PTPRN2: variants seen among roughly 807,000 people sequenced by gnomAD.
PTPRN2 encodes protein tyrosine phosphatase receptor type N2.
A neutral mutation model predicts 118.8 loss-of-function variants in PTPRN2; 74 were observed. That is an observed-to-expected ratio of 0.62 (90% CI 0.52 to 0.76). The LOEUF (loss-of-function observed/expected upper bound fraction) is 0.76, where lower values mean the gene tolerates loss of function less well. Ranked by LOEUF, PTPRN2 falls within the 30% of genes least tolerant of loss-of-function variation. PTPRN2 has a pLI of 0.00. For missense variants in PTPRN2, 1,481 were observed against 1,394.4 expected (o/e 1.06, Z -0.99); for synonymous variants, 641 against 608.0 (o/e 1.05, Z -0.80).
intron 13 of PTPRN2, among the ~76,000 whole-genome samples, chr7:157,658,989 G>A (rs1187306078): frequency 1.3e-5 from 2 of 151,962 alleles, no homozygotes; most frequent in Non-Finnish European, 2.9e-5. Context: ...CACTCCATGT[G>A]TCCCTTCTCC....
rs1402952722 is a variant in PTPRN2 at position 157,682,713 on chromosome 7, G to T, written c.2001+12C>A. On this transcript the variant is annotated intron_variant, in intron 13 of 22. Coordinates refer to ENST00000389418, the MANE Select transcript of PTPRN2 (RefSeq NM_002847.5). ...AATCCGATATACCACTTTTTAAAAAGTCTCCTCTTACCTGGTAGGCGGCAG... is the reference window on the plus strand; with the variant it reads ...AATCCGATATACCACTTTTTAAAAATTCTCCTCTTACCTGGTAGGCGGCAG... The T allele has an allele frequency of 2.5e-6, 4 of 1,607,670 alleles. No homozygotes were observed. The highest frequency in any genetic ancestry group is 1.7e-5 in the Admixed American group (1 of 59,982).
At chr7:158,548,119 C>T (rs1586919998) in intron 1 of PTPRN2, among the ~76,000 whole-genome samples, 1 of 152,366 alleles carries the variant, frequency 6.6e-6, no homozygotes, top group East Asian at 1.9e-4. Context: ...GAGCAGGCGA[C>T]ATCCACTCTG....
chr7:157,805,142 T>G lies in PTPRN2; in HGVS notation c.1788+93531A>C, dbSNP rs530497075. ...CACATTTTCCATGAAAAGAAGAAAA[T>G]AGCAAATTCCAGTAAGCATTAAGGA... On this transcript the variant is annotated intron_variant, in intron 12 of 22. Transcript: ENST00000389418. 4.6e-5 allele frequency among the ~76,000 whole-genome samples: 7 copies of G among 152,238 alleles called. No homozygotes were observed. The South Asian group carries it at 1.5e-3, about 32-fold the overall frequency.
At chr7:157,743,655 A>G (rs1194097447) in intron 12 of PTPRN2, among the ~76,000 whole-genome samples, 1 of 148,308 alleles carries the variant, frequency 6.7e-6, no homozygotes, top group African/African-American at 2.5e-5. Context: ...TGGCTGAGTT[A>G]GGTTCCTGGC....
chr7:158,173,798 G>C (rs1823934244), intron 5 of PTPRN2, among the ~76,000 whole-genome samples: 1 of 152,188 alleles, frequency 6.6e-6, no homozygotes, highest in South Asian at 2.1e-4. Flanking sequence ...AAAGAATTCA[G>C]CAATATTTCT....
At chr7:157,666,814 T>TTA (rs1796157853) in intron 13 of PTPRN2, among the ~76,000 whole-genome samples, 1 of 152,176 alleles carries the variant, frequency 6.6e-6, no homozygotes, top group Admixed American at 6.5e-5. Flanking sequence ...GACACTGATC[T>TTA]CAGGTGGGTG....
In PTPRN2 at chr7:158,574,111, G is replaced by A. The variant is rs1011791672; in HGVS notation, c.112+13447C>T. Reference sequence around the variant, plus strand: ...GCAACCAGAAAGATTAAAAATCATCGTTCGGACTTTCTCAATTATAGATTT... The same window carrying A: ...GCAACCAGAAAGATTAAAAATCATCATTCGGACTTTCTCAATTATAGATTT... On this transcript the variant is annotated intron_variant, in intron 1 of 22. Coordinates refer to ENST00000389418, the MANE Select transcript of PTPRN2 (RefSeq NM_002847.5). This position sits in a 1 kb window ranked among gnomAD's most constrained non-coding sequence, Gnocchi z 4.6. Among the ~76,000 whole-genome samples the A allele has an allele frequency of 1.3e-5, 2 of 152,144 alleles. No homozygotes were observed. Among genetic ancestry groups the A allele is most frequent in the Non-Finnish European group, 2.9e-5 (2 of 68,026 alleles).
chr7:158,069,630 C>A (rs574959563), intron 11 of PTPRN2, among the ~76,000 whole-genome samples: 3 of 152,290 alleles, frequency 2.0e-5, no homozygotes, highest in East Asian at 3.9e-4. Flanking sequence ...CATTCTTTAC[C>A]CACAATTGTT....
intron 2 of PTPRN2, among the ~76,000 whole-genome samples, chr7:158,424,935 G>A (rs1815584148): frequency 6.6e-6 from 1 of 152,150 alleles, no homozygotes; most frequent in Admixed American, 6.5e-5. Flanking sequence ...TTAACCATCA[G>A]CCTAATCTCC....
intron 17 of PTPRN2, among the ~76,000 whole-genome samples, chr7:157,579,050 C>T (rs1375837873): frequency 6.7e-6 from 1 of 149,002 alleles, no homozygotes; most frequent in Non-Finnish European, 1.5e-5. Flanking sequence ...GACACAAAAT[C>T]CAATTAAGAC....
intron 3 of PTPRN2, among the ~76,000 whole-genome samples, chr7:158,277,278 C>T (rs1171742286): frequency 1.3e-5 from 2 of 152,222 alleles, no homozygotes; most frequent in Non-Finnish European, 2.9e-5. Flanking sequence ...TCCTCGGGGT[C>T]CTGCCCACTC....
intron 2 of PTPRN2, among the ~76,000 whole-genome samples, chr7:158,371,529 A>G (rs1005458547): frequency 2.0e-5 from 3 of 152,210 alleles, no homozygotes; most frequent in South Asian, 4.1e-4. Context: ...TTCCTACACA[A>G]TTAAAATTCT....
chr7:157,821,307 C>T (rs1216486040), intron 12 of PTPRN2, among the ~76,000 whole-genome samples: 2 of 152,206 alleles, frequency 1.3e-5, no homozygotes, highest in Non-Finnish European at 2.9e-5. Flanking sequence ...AAAGACATAA[C>T]TCTAGGATCT....
At chr7:158,352,741 GC>G (rs1187010952) in intron 2 of PTPRN2, among the ~76,000 whole-genome samples, 1 of 152,214 alleles carries the variant, frequency 6.6e-6, no homozygotes, top group East Asian at 1.9e-4. Context: ...GCCCTTCCCT[GC>G]AAAGAAAACT....
intron 2 of PTPRN2, among the ~76,000 whole-genome samples, chr7:158,388,597 C>T (rs1337572602): frequency 1.3e-5 from 2 of 152,234 alleles, no homozygotes; most frequent in Non-Finnish European, 2.9e-5. Context: ...TGCCAACCTG[C>T]GAGCTCCATG....
intron 10 of PTPRN2, among the ~76,000 whole-genome samples, chr7:158,109,174 G>C (rs1478278106): frequency 6.7e-6 from 1 of 150,298 alleles, no homozygotes; most frequent in East Asian, 2.0e-4. Flanking sequence ...GTGTGAAAGA[G>C]ACAGTGAGTG....
At chr7:158,332,730 C>G (rs1340160435) in intron 2 of PTPRN2, among the ~76,000 whole-genome samples, 1 of 151,404 alleles carries the variant, frequency 6.6e-6, no homozygotes, top group Non-Finnish European at 1.5e-5. Context: ...CACCCACACT[C>G]TCACCATAAG....
rs956089233 is a variant in PTPRN2, at chr7:157,944,470, G to C, written c.1724-45733C>G. ...GAGAAACCTAAGTTTGTGAGAAAAG[G>C]ATCTATTGGAAAATTCTTCTTTTTA... On this transcript the variant is annotated intron_variant, in intron 11 of 22. Coordinates refer to ENST00000389418, the MANE Select transcript of PTPRN2 (RefSeq NM_002847.5). This position sits in a 1 kb window ranked among gnomAD's most constrained non-coding sequence, Gnocchi z 4.3. Among the ~76,000 whole-genome samples the C allele has an allele frequency of 6.6e-6, 1 of 152,210 alleles. No homozygotes were observed. The highest frequency in any genetic ancestry group is 1.5e-5 in the Non-Finnish European group (1 of 68,034).
chr7:158,101,243 C>A (rs544425078), intron 10 of PTPRN2, among the ~76,000 whole-genome samples: 9 of 152,268 alleles, frequency 5.9e-5, no homozygotes, highest in African/African-American at 2.2e-4. Context: ...AACTGATCTT[C>A]GATAAAGCAA....
Sources: allele counts gnomAD v4.1 joint callset (sites outside exome capture counted in the v4.1 genomes callset), GRCh38; gene constraint gnomAD v4.1.1; non-coding constraint Gnocchi (gnomAD v3.1); transcripts MANE v1.5; gene names NCBI Gene and HGNC (gene_info 2026-07-23, HGNC 2026-07-21).